ERBB4: variants seen among roughly 807,000 people sequenced by gnomAD.
The protein encoded by ERBB4 is erb-b2 receptor tyrosine kinase 4.
In ERBB4, 42 loss-of-function variants were observed where a neutral mutation model predicts 158.0. That is an observed-to-expected ratio of 0.27 (90% confidence interval 0.21 to 0.34). The LOEUF (loss-of-function observed/expected upper bound fraction) is 0.34. ERBB4 is among the 10% of genes least tolerant of loss of function. The pLI is 1.00. For missense variants in ERBB4, 1,333 were observed against 1,624.1 expected (o/e 0.82, Z 3.08); for synonymous variants, 583 against 558.7 (o/e 1.04, Z -0.61).
At chr2:211,766,371 C>T (rs1304387600) in intron 4 of ERBB4, among the ~76,000 whole-genome samples, 1 of 152,158 alleles carries the variant, frequency 6.6e-6, no homozygotes, top group Non-Finnish European at 1.5e-5. Context: ...CCAGTGGTCT[C>T]TCCCCTTCCT....
chr2:211,864,792 C>G (rs918188325), intron 3 of ERBB4, among the ~76,000 whole-genome samples: 1 of 152,064 alleles, frequency 6.6e-6, no homozygotes, highest in Non-Finnish European at 1.5e-5. Flanking sequence ...ATGGTAAAAC[C>G]CCGTCGCTAC....
At chr2:212,048,350 T>C (rs1042428051) in intron 2 of ERBB4, among the ~76,000 whole-genome samples, 1 of 152,158 alleles carries the variant, frequency 6.6e-6, no homozygotes, top group Non-Finnish European at 1.5e-5. Flanking sequence ...AGCAGTAGTG[T>C]AAAGTAAGAA....
chr2:211,698,465 T>C (rs2073108469), intron 12 of ERBB4, among the ~76,000 whole-genome samples: 1 of 151,924 alleles, frequency 6.6e-6, no homozygotes, highest in African/African-American at 2.4e-5. Context: ...CGAAAATATA[T>C]ATTTCACTAT....
intron 1 of ERBB4, among the ~76,000 whole-genome samples, chr2:212,414,977 A>C (rs2091610961): frequency 6.6e-6 from 1 of 152,198 alleles, no homozygotes; most frequent in Non-Finnish European, 1.5e-5. Context: ...AAACTCTGCC[A>C]ACCTGATGCT....
chr2:212,200,111 T>C (rs931963476), intron 1 of ERBB4, among the ~76,000 whole-genome samples: 1 of 152,188 alleles, frequency 6.6e-6, no homozygotes, highest in Non-Finnish European at 1.5e-5. Flanking sequence ...ATTAATTTCA[T>C]CTCACAAATC....
At chr2:212,166,624 C>T (rs1399237346) in intron 1 of ERBB4, among the ~76,000 whole-genome samples, 5 of 151,414 alleles carry the variant, frequency 3.3e-5, no homozygotes, top group East Asian at 3.9e-4. Flanking sequence ...AAGAAGACCC[C>T]GTACAGCCAA....
intron 2 of ERBB4, among the ~76,000 whole-genome samples, chr2:211,969,706 C>A (rs2081399154): frequency 6.6e-6 from 1 of 151,864 alleles, no homozygotes; most frequent in African/African-American, 2.4e-5. Flanking sequence ...TTTTAAAAAA[C>A]CATAAAATAG....
intron 1 of ERBB4, among the ~76,000 whole-genome samples, chr2:212,322,495 A>G (rs528264118): frequency 5.9e-4 from 89 of 150,812 alleles, no homozygotes; most frequent in African/African-American, 2.1e-3. Context: ...TAGAATATCT[A>G]ATCTTTATTT....
intron 1 of ERBB4, among the ~76,000 whole-genome samples, chr2:212,528,870 C>A (rs1692592041): frequency 6.6e-6 from 1 of 152,076 alleles, no homozygotes; most frequent in African/African-American, 2.4e-5. Context: ...TTATAGGATC[C>A]TTTTAAAATG....
At chr2:211,575,849 T>G (rs1375688986) in intron 19 of ERBB4, among the ~76,000 whole-genome samples, 1 of 152,190 alleles carries the variant, frequency 6.6e-6, no homozygotes, top group African/African-American at 2.4e-5. Flanking sequence ...TCTTATAGCT[T>G]CATGCTTATG....
intron 2 of ERBB4, among the ~76,000 whole-genome samples, chr2:211,969,755 T>G (rs779588726): frequency 3.3e-5 from 5 of 152,050 alleles, no homozygotes; most frequent in Non-Finnish European, 5.9e-5. Flanking sequence ...CCCATTGTCA[T>G]TTTTTACTGT....
At chr2:212,299,430 T>A (rs540760392) in intron 1 of ERBB4, among the ~76,000 whole-genome samples, 2 of 151,660 alleles carry the variant, frequency 1.3e-5, no homozygotes, top group African/African-American at 2.4e-5. Flanking sequence ...AAAAAGTATG[T>A]AAAGTACTCA....
At chr2:211,753,498 C>T (rs1013128909) in intron 4 of ERBB4, among the ~76,000 whole-genome samples, 3 of 151,790 alleles carry the variant, frequency 2.0e-5, no homozygotes, top group Non-Finnish European at 4.4e-5. Flanking sequence ...TAATGTTCAC[C>T]CTCTATGAGT....
intron 5 of ERBB4, among the ~76,000 whole-genome samples, chr2:211,740,729 G>T (rs1317275303): frequency 7.0e-6 from 1 of 142,792 alleles, no homozygotes; most frequent in African/African-American, 2.6e-5. Context: ...ACGTGCCTCA[G>T]CTTCCCGAGT....
At chr2:211,910,464 TA>T (rs1045004804) in intron 3 of ERBB4, among the ~76,000 whole-genome samples, 1 of 150,202 alleles carries the variant, frequency 6.7e-6, no homozygotes, top group African/African-American at 2.4e-5. Flanking sequence ...CTTAGCAAAC[TA>T]ACACAGGAAC....
At chr2:211,495,699 G>T (rs767416242) in intron 20 of ERBB4, among the ~76,000 whole-genome samples, 8 of 152,170 alleles carry the variant, frequency 5.3e-5, no homozygotes, top group Non-Finnish European at 1.0e-4. Flanking sequence ...ACCACCCACA[G>T]ATGGACATTA....
chr2:212,487,965 C>T (rs567761571), intron 1 of ERBB4, among the ~76,000 whole-genome samples: 48 of 152,162 alleles, frequency 3.2e-4, no homozygotes, highest in Admixed American at 1.0e-3. Flanking sequence ...TTTCACTTTG[C>T]TCAATAACAC....
At chr2:211,975,370 A>G (rs1331745935) in intron 2 of ERBB4, among the ~76,000 whole-genome samples, 1 of 152,184 alleles carries the variant, frequency 6.6e-6, no homozygotes, top group Non-Finnish European at 1.5e-5. Flanking sequence ...GACCTGATTG[A>G]TTCAAAGGTA....
intron 1 of ERBB4, among the ~76,000 whole-genome samples, chr2:212,284,748 C>T (rs1341959638): frequency 6.6e-6 from 1 of 151,928 alleles, no homozygotes; most frequent in East Asian, 1.9e-4. Context: ...GTATTTCTTC[C>T]TCTTTAGTTA....
Sources: gnomAD v4.1 joint callset for allele counts (sites outside exome capture counted in the v4.1 genomes callset) on GRCh38, gnomAD v4.1.1 for gene constraint, MANE v1.5 for transcripts, NCBI Gene and HGNC (gene_info 2026-07-23, HGNC 2026-07-21) for gene names.